Variants in TMEM232 observed in about 807,000 individuals in gnomAD.
The protein encoded by TMEM232 is transmembrane protein 232.
A neutral mutation model predicts 78.8 loss-of-function variants in TMEM232; 80 were observed. The observed-to-expected ratio is 1.01, with a 90% confidence interval of 0.85 to 1.22. TMEM232 has a LOEUF of 1.22. TMEM232 is among the 50% of genes most tolerant of loss of function. The pLI is 0.00. For missense variants in TMEM232, 881 were observed against 742.2 expected (o/e 1.19, Z -2.17); for synonymous variants, 297 against 254.3 (o/e 1.17, Z -1.60).
At chr5:110,594,090 T>C (rs1779860970) in intron 10 of TMEM232, among the ~76,000 whole-genome samples, 1 of 151,912 alleles carries the variant, frequency 6.6e-6, no homozygotes, top group Admixed American at 6.6e-5. Context: ...ATTTCTACAT[T>C]TCTAACTGAA....
chr5:110,678,074 A>G (rs921589871), intron 1 of TMEM232, among the ~76,000 whole-genome samples: 2 of 151,884 alleles, frequency 1.3e-5, no homozygotes, highest in Non-Finnish European at 2.9e-5. Context: ...TTACTTATTT[A>G]TTTGTTTAGA....
At chr5:110,483,388 T>G (rs1764107242) in intron 12 of TMEM232, among the ~76,000 whole-genome samples, 1 of 152,138 alleles carries the variant, frequency 6.6e-6, no homozygotes, top group Admixed American at 6.6e-5. Flanking sequence ...GTTGACAAAG[T>G]TACAGGGTAA....
intron 3 of TMEM232, among the ~76,000 whole-genome samples, chr5:110,396,960 G>A (rs1755412491): frequency 6.6e-6 from 1 of 152,138 alleles, no homozygotes. Flanking sequence ...TGATAACTAG[G>A]AAGAGGCTAT....
At chr5:110,586,180 CTATTT>C (rs1412969943) in intron 10 of TMEM232, among the ~76,000 whole-genome samples, 22 of 152,140 alleles carry the variant, frequency 1.4e-4, no homozygotes, top group African/African-American at 4.8e-4. Flanking sequence ...ATTATTATTT[CTATTT>C]TATAATAGAT....
At chr5:110,414,307 C>T (rs1247332155) in intron 2 of TMEM232, among the ~76,000 whole-genome samples, 1 of 152,112 alleles carries the variant, frequency 6.6e-6, no homozygotes, top group Non-Finnish European at 1.5e-5. Flanking sequence ...CTGTCCTGTT[C>T]ATTGATTCAT....
chr5:110,607,204 AC>A, intron 8 of TMEM232, among the ~76,000 whole-genome samples: 1 of 152,120 alleles, frequency 6.6e-6, no homozygotes, highest in African/African-American at 2.4e-5. Flanking sequence ...GATTTGAAAA[AC>A]AATTTTTGAC....
intron 12 of TMEM232, 120 bp from the exon 13 acceptor site, chr5:110,425,036 A>G: frequency 1.3e-6 from 1 of 788,286 alleles, no homozygotes; most frequent in Non-Finnish European, 2.0e-6. Context: ...TTGTTAACAT[A>G]AAGTATTTGT....
At position 110,568,548 on chromosome 5, in the gene TMEM232, C is replaced by T. The variant is rs61734250; in HGVS notation, c.1354G>A (p.Glu452Lys). The change falls in exon 11 of 14, where the codon GAA (glutamate) becomes AAA (lysine). Residue 452 changes from glutamate (E) to lysine (K), a missense_variant. Coordinates refer to ENST00000455884, the MANE Select transcript of TMEM232 (RefSeq NM_001039763.4). Reference sequence around the variant, plus strand: ...ATGTTTCTAAGTCCATCCTGTTCTTCGTCTCCTTGAAGTTCCCATGAAATT... The same window carrying T: ...ATGTTTCTAAGTCCATCCTGTTCTTTGTCTCCTTGAAGTTCCCATGAAATT... ...VKISWELQGD[E>K]EQDGLRNMIW... is the part of the protein sequence containing the mutation. 3.5e-3 allele frequency: 5,432 copies of T among 1,549,616 alleles called. 201 individuals carry two copies. In the African/African-American group the frequency reaches 0.067, roughly 19 times the overall value.
chr5:110,555,486 T>C (rs1261359320), intron 11 of TMEM232, among the ~76,000 whole-genome samples: 3 of 152,190 alleles, frequency 2.0e-5, no homozygotes, highest in East Asian at 1.9e-4. Flanking sequence ...CTGGTGTTGT[T>C]TGAGGGAGTG....
chr5:110,464,212 G>A (rs557838054), intron 12 of TMEM232, among the ~76,000 whole-genome samples: 2 of 152,110 alleles, frequency 1.3e-5, no homozygotes, highest in Non-Finnish European at 2.9e-5. Flanking sequence ...AGAGGTGTCT[G>A]TTCTTTATCA....
chr5:110,529,217 A>G (rs555066008), intron 11 of TMEM232, among the ~76,000 whole-genome samples: 14 of 152,230 alleles, frequency 9.2e-5, no homozygotes, highest in African/African-American at 3.1e-4. Context: ...TTAATGCACA[A>G]TCTAAACTGT....
chr5:110,650,404 C>T (rs1259190009), intron 2 of TMEM232, among the ~76,000 whole-genome samples: 1 of 151,742 alleles, frequency 6.6e-6, no homozygotes, highest in East Asian at 1.9e-4. Flanking sequence ...GTACAGTAAG[C>T]CAAAGGGAGG....
At chr5:110,402,464 C>A (rs77929398) in intron 2 of TMEM232, among the ~76,000 whole-genome samples, 3,777 of 152,138 alleles carry the variant, frequency 0.025, 89 homozygotes, top group Admixed American at 0.065. Flanking sequence ...TACCATCTGA[C>A]TAACTTGGAA....
intron 3 of TMEM232, among the ~76,000 whole-genome samples, chr5:110,394,985 G>T (rs186107549): frequency 2.3e-3 from 348 of 152,232 alleles, no homozygotes; most frequent in African/African-American, 7.5e-3. Flanking sequence ...CTGTTGTTTT[G>T]CTTAAGTCTC....
At chr5:110,516,837 AT>A (rs909937173) in intron 12 of TMEM232, among the ~76,000 whole-genome samples, 2 of 151,860 alleles carry the variant, frequency 1.3e-5, no homozygotes, top group East Asian at 1.9e-4. Flanking sequence ...ACACAAGGAA[AT>A]TTTTTTTGGA....
intron 12 of TMEM232, among the ~76,000 whole-genome samples, chr5:110,438,560 C>T (rs1180816456): frequency 6.6e-6 from 1 of 151,858 alleles, no homozygotes; most frequent in Non-Finnish European, 1.5e-5. Context: ...TATTATTTAT[C>T]CATATTTTAC....
intron 2 of TMEM232, among the ~76,000 whole-genome samples, chr5:110,657,019 T>G (rs951177996): frequency 6.6e-6 from 1 of 152,260 alleles, no homozygotes; most frequent in East Asian, 1.9e-4. Flanking sequence ...TTGGGGTAAG[T>G]GCCATATCCA....
chr5:110,485,061 T>C lies in TMEM232; in HGVS notation c.1703+43527A>G, dbSNP rs540112320. On this transcript the variant is annotated intron_variant, in intron 12 of 13. Coordinates refer to ENST00000455884, the MANE Select transcript of TMEM232 (RefSeq NM_001039763.4). ...GGAATGTAAACAAGTATAGCCACTA[T>C]GGAAACAGTGTGGAGATTCCTTAAA... 3.0e-3 allele frequency among the ~76,000 whole-genome samples: 464 copies of C among 152,266 alleles called. 3 individuals are homozygous for C. The highest frequency in any genetic ancestry group is 0.011 in the African/African-American group (443 of 41,568).
intron 12 of TMEM232, among the ~76,000 whole-genome samples, chr5:110,448,630 T>C (rs1759925857): frequency 6.6e-6 from 1 of 151,980 alleles, no homozygotes; most frequent in African/African-American, 2.4e-5. Context: ...ATATATATTA[T>C]AGTTTTAAAA....
Sources: allele counts gnomAD v4.1 joint callset (sites outside exome capture counted in the v4.1 genomes callset), GRCh38; gene constraint gnomAD v4.1.1; transcripts MANE v1.5; gene names NCBI Gene and HGNC (gene_info 2026-07-23, HGNC 2026-07-21).